The following STPG2 variants were observed in gnomAD, a reference collection of about 807,000 sequenced individuals.
STPG2 encodes sperm-tail PG-rich repeat-containing protein 2.
A neutral mutation model predicts 54.2 loss-of-function variants in STPG2; 56 were observed. The observed-to-expected ratio is 1.03, with a 90% CI of 0.83 to 1.29. STPG2 has a LOEUF of 1.29. STPG2 is among the 50% of genes most tolerant of loss of function. The pLI is 0.00. For synonymous variants in STPG2, 200 were observed against 181.8 expected (o/e 1.10, Z -0.81); for missense variants, 596 against 544.9 (o/e 1.09, Z -0.93).
intron 5 of STPG2, among the ~76,000 whole-genome samples, chr4:97,998,017 C>T (rs1182344688): frequency 6.6e-6 from 1 of 152,032 alleles, no homozygotes; most frequent in African/African-American, 2.4e-5. Flanking sequence ...AGTAAAAAGG[C>T]TATTTCAAAA....
intron 10 of STPG2, among the ~76,000 whole-genome samples, chr4:97,686,170 T>C (rs748997631): frequency 2.0e-5 from 3 of 152,220 alleles, no homozygotes; most frequent in African/African-American, 2.4e-5. Flanking sequence ...AAATTATTAA[T>C]GTTGGATTAA....
chr4:97,940,420 C>T (rs778683458), intron 8 of STPG2, among the ~76,000 whole-genome samples: 8 of 152,152 alleles, frequency 5.3e-5, no homozygotes, highest in Non-Finnish European at 1.0e-4. Context: ...TTTTCCCTTC[C>T]CTTTCAGGGA....
At chr4:97,781,824 A>G (rs1726633572) in intron 9 of STPG2, among the ~76,000 whole-genome samples, 1 of 152,210 alleles carries the variant, frequency 6.6e-6, no homozygotes, top group Non-Finnish European at 1.5e-5. Context: ...AGAACCAAAG[A>G]AAAAAACCAC....
intron 5 of STPG2, among the ~76,000 whole-genome samples, chr4:98,067,951 G>C (rs987231059): frequency 6.6e-6 from 1 of 151,926 alleles, no homozygotes; most frequent in Non-Finnish European, 1.5e-5. Context: ...ACAAAAGCAG[G>C]GTTATTTTTT....
rs181056235 is a variant in STPG2, at chr4:97,788,193, A to C, written c.1204+52580T>G. On this transcript the variant is annotated intron_variant, in intron 9 of 10. Coordinates refer to ENST00000295268, the MANE Select transcript of STPG2 (RefSeq NM_174952.3). ...CTTTTCTATCTAACTGTATTTCTGT[A>C]CCCATTAACCATCCCCGCTTCCCCT... 5.9e-5 allele frequency among the ~76,000 whole-genome samples: 9 copies of C among 152,070 alleles called. No homozygotes were observed. In the East Asian group the frequency reaches 1.7e-3, roughly 29 times the overall value.
intron 7 of STPG2, among the ~76,000 whole-genome samples, chr4:97,945,788 G>C (rs1445340400): frequency 6.6e-6 from 1 of 152,134 alleles, no homozygotes; most frequent in African/African-American, 2.4e-5. Context: ...GATGGGTACA[G>C]TGGCTCACAC....
chr4:97,462,318 T>A (rs1459828579), intron 4 of STPG2, among the ~76,000 whole-genome samples: 1 of 152,012 alleles, frequency 6.6e-6, no homozygotes, highest in African/African-American at 2.4e-5. Context: ...TTTATATAAA[T>A]CTTAATATTT....
intron 4 of STPG2, among the ~76,000 whole-genome samples, chr4:97,497,930 G>A (rs886167636): frequency 1.3e-5 from 2 of 151,612 alleles, no homozygotes; most frequent in African/African-American, 4.8e-5. Flanking sequence ...AACTTACTAA[G>A]GCTGAGGCTT....
chr4:97,868,642 C>G (rs986408867), intron 8 of STPG2, among the ~76,000 whole-genome samples: 3 of 151,804 alleles, frequency 2.0e-5, no homozygotes, highest in African/African-American at 7.2e-5. Flanking sequence ...GAGTGTACTC[C>G]TTTACATTTT....
At chr4:97,869,246 G>C (rs1448009496) in intron 8 of STPG2, among the ~76,000 whole-genome samples, 1 of 151,580 alleles carries the variant, frequency 6.6e-6, no homozygotes, top group Non-Finnish European at 1.5e-5. Context: ...TATTCAATTA[G>C]TTTATAATTT....
intron 4 of STPG2, among the ~76,000 whole-genome samples, chr4:97,515,160 T>G (rs1029873651): frequency 2.6e-5 from 4 of 152,066 alleles, no homozygotes; most frequent in African/African-American, 9.7e-5. Context: ...CTTTCAGAGA[T>G]GAAAACCTTA....
chr4:97,843,823 A>C (rs2149124178), intron 8 of STPG2, among the ~76,000 whole-genome samples: 1 of 151,980 alleles, frequency 6.6e-6, no homozygotes, highest in East Asian at 1.9e-4. Flanking sequence ...AGTCTCTATA[A>C]AATTCTACTT....
At chr4:97,664,734 A>T (rs1722469991) in intron 10 of STPG2, among the ~76,000 whole-genome samples, 1 of 152,032 alleles carries the variant, frequency 6.6e-6, no homozygotes, top group Non-Finnish European at 1.5e-5. Context: ...TAGTTATGTC[A>T]CGGGATCCTT....
intron 10 of STPG2, among the ~76,000 whole-genome samples, chr4:97,671,464 C>A (rs748141349): frequency 6.6e-6 from 1 of 152,138 alleles, no homozygotes; most frequent in South Asian, 2.1e-4. Flanking sequence ...AACAATAATG[C>A]CTTTTAGCAA....
At position 98,020,946 on chromosome 4, in the gene STPG2, T is replaced by C. The variant is rs189281185; in HGVS notation, c.613-39628A>G. On this transcript the variant is annotated intron_variant, in intron 5 of 10. Coordinates refer to ENST00000295268, the MANE Select transcript of STPG2 (RefSeq NM_174952.3). ...TAGTCTTGCTAGCAGTCTATCAGTT[T>C]TGTTGATCTTTTCAAAAAACCAGCT... Among the ~76,000 whole-genome samples, 131 of 152,276 alleles carry C rather than the reference T, an allele frequency of 8.6e-4. No homozygotes were observed. The East Asian group carries it at 0.023, about 26-fold the overall frequency.
intron 10 of STPG2, among the ~76,000 whole-genome samples, chr4:97,651,074 C>T (rs986378681): frequency 6.6e-6 from 1 of 151,662 alleles, no homozygotes; most frequent in African/African-American, 2.4e-5. Context: ...TGAATATAAG[C>T]AAAAGACTAT....
chr4:97,453,901 G>T (rs1190037100), intron 4 of STPG2, among the ~76,000 whole-genome samples: 1 of 152,100 alleles, frequency 6.6e-6, no homozygotes, highest in African/African-American at 2.4e-5. Context: ...GGGCACTAGA[G>T]AAGTAGAAGA....
At chr4:98,119,982 T>C (rs1281727454) in intron 3 of STPG2, among the ~76,000 whole-genome samples, 1 of 152,212 alleles carries the variant, frequency 6.6e-6, no homozygotes, top group Non-Finnish European at 1.5e-5. Context: ...TGTCACATTT[T>C]CTTTATCCAG....
intron 8 of STPG2, among the ~76,000 whole-genome samples, chr4:97,850,319 T>TAAAG (rs1729113170): frequency 7.6e-6 from 1 of 132,160 alleles, no homozygotes; most frequent in Non-Finnish European, 1.7e-5. Context: ...AATAAATAAA[T>TAAAG]AAATAAAGAA....
Sources: allele counts gnomAD v4.1 joint callset (sites outside exome capture counted in the v4.1 genomes callset), GRCh38; gene constraint gnomAD v4.1.1; transcripts MANE v1.5; gene names NCBI Gene and HGNC (gene_info 2026-07-23, HGNC 2026-07-21).